The following MTRES1 variants were observed in gnomAD, a reference collection of about 807,000 sequenced individuals.
MTRES1 encodes the protein mitochondrial transcription rescue factor 1.
A neutral mutation model predicts 17.4 loss-of-function variants in MTRES1; 11 were observed. The observed-to-expected ratio is 0.63, with a 90% CI of 0.40 to 1.05. The LOEUF (loss-of-function observed/expected upper bound fraction) is 1.05. Among genes scored for constraint, MTRES1 ranks in the 50% least tolerant of loss-of-function variants. The probability of loss-of-function intolerance (pLI) is 0.00; values close to 1 mark genes in which losing one functional copy is unlikely to be tolerated. For missense variants in MTRES1, 268 were observed against 276.2 expected (o/e 0.97, Z 0.21); for synonymous variants, 94 against 99.6 (o/e 0.94, Z 0.34).
At chr6:107,043,202 C>T (rs1474938438) in intron 2 of MTRES1, among the ~76,000 whole-genome samples, 5 of 152,122 alleles carry the variant, frequency 3.3e-5, no homozygotes, top group South Asian at 4.2e-4. Flanking sequence ...GGCGTGGTGG[C>T]GGGCGCCTGT....
At chr6:107,044,775 G>A (rs1774336396) in intron 3 of MTRES1, among the ~76,000 whole-genome samples, 1 of 152,182 alleles carries the variant, frequency 6.6e-6, no homozygotes, top group African/African-American at 2.4e-5. Context: ...TTTGTGTGCA[G>A]AGCAGTTATA....
At chr6:107,046,820 C>T (rs1554228430) in intron 3 of MTRES1, among the ~76,000 whole-genome samples, 1 of 152,052 alleles carries the variant, frequency 6.6e-6, no homozygotes. Context: ...TGTGTGGTGT[C>T]CAAGTATGGG....
chr6:107,046,940 G>A (rs1479392109), intron 3 of MTRES1, among the ~76,000 whole-genome samples: 6 of 25,328 alleles, frequency 2.4e-4, no homozygotes, highest in African/African-American at 5.6e-4. Flanking sequence ...TTGTGTGTGT[G>A]TGTGTGTGTG....
At chr6:107,029,526 G>A (rs1310519193) in intron 1 of MTRES1, among the ~76,000 whole-genome samples, 1 of 136,920 alleles carries the variant, frequency 7.3e-6, no homozygotes, top group African/African-American at 2.8e-5. Flanking sequence ...CTCTGTCGCC[G>A]AGGCTAGAAT....
intron 1 of MTRES1, among the ~76,000 whole-genome samples, chr6:107,039,395 C>T (rs1243826893): frequency 6.6e-6 from 1 of 152,066 alleles, no homozygotes; most frequent in Non-Finnish European, 1.5e-5. Flanking sequence ...TCTCAGCTCA[C>T]TGCAACCTCT....
chr6:107,048,927 C>G (rs1774493537), intron 3 of MTRES1, among the ~76,000 whole-genome samples: 1 of 151,400 alleles, frequency 6.6e-6, no homozygotes, highest in Non-Finnish European at 1.5e-5. Context: ...ATGAGCCTTT[C>G]TGCTTCTCAG....
intron 1 of MTRES1, among the ~76,000 whole-genome samples, chr6:107,038,897 A>C (rs573115825): frequency 7.8e-4 from 118 of 152,212 alleles, no homozygotes; most frequent in African/African-American, 2.8e-3. Flanking sequence ...TCTACTAAAA[A>C]TACAAAATTA....
chr6:107,043,956 G>A (rs1279844870), intron 2 of MTRES1, among the ~76,000 whole-genome samples: 1 of 152,178 alleles, frequency 6.6e-6, no homozygotes, highest in Non-Finnish European at 1.5e-5. Context: ...GTGAAACCCT[G>A]TCTCTACTAA....
chr6:107,049,611 C>T (rs556859738), intron 3 of MTRES1, among the ~76,000 whole-genome samples: 2 of 151,914 alleles, frequency 1.3e-5, no homozygotes, highest in South Asian at 4.2e-4. Context: ...GACGGGGTTT[C>T]ACCGTGTTAG....
intron 1 of MTRES1, among the ~76,000 whole-genome samples, chr6:107,031,829 G>A (rs1033577965): frequency 3.3e-5 from 5 of 152,026 alleles, no homozygotes; most frequent in Non-Finnish European, 5.9e-5. Context: ...TCGAACTCCC[G>A]ACCTCAGGTG....
chr6:107,050,475 G>T lies in MTRES1; in HGVS notation c.544-582G>T, dbSNP rs538767367. On this transcript the variant is annotated intron_variant, in intron 3 of 3. Coordinates refer to ENST00000311381, the MANE Select transcript of MTRES1 (RefSeq NM_016487.5). ...CTACTCTGCGCAGGGACTATCCACAGCCAGCCAGTTGTCTAGTTCTGAAGG... is the reference window on the plus strand; with the variant it reads ...CTACTCTGCGCAGGGACTATCCACATCCAGCCAGTTGTCTAGTTCTGAAGG... 5.2e-4 allele frequency among the ~76,000 whole-genome samples: 78 copies of T among 148,932 alleles called. 1 individual carries two copies. Among genetic ancestry groups the T allele is most frequent in the Non-Finnish European group, 1.0e-3 (70 of 67,428 alleles).
At chr6:107,044,493 GAC>G (rs1774327612) in intron 3 of MTRES1, among the ~76,000 whole-genome samples, 161 bp downstream of exon 3, 1 of 146,624 alleles carries the variant, frequency 6.8e-6, no homozygotes. Context: ...ACAGGCTTCA[GAC>G]ACACAGGCAC....
rs981879224 is a variant in MTRES1, at chr6:107,051,182, G to A, written c.669G>A (p.Val223=). Residue 223 remains valine, a synonymous_variant, in exon 4 of 4, where the codon GTG becomes GTA. Coordinates refer to ENST00000311381, the MANE Select transcript of MTRES1 (RefSeq NM_016487.5). ...AGACTGAAAGTGAAAAATACAGAGT[G>A]GTGTTACGGCGGTGGAAAAGTTTAA... ...EEKTESEKYR[V]VLRRWKSLKL... 2 of 1,613,992 alleles carry A rather than the reference G, an allele frequency of 1.2e-6. No homozygotes were observed. Among genetic ancestry groups the A allele is most frequent in the Non-Finnish European group, 1.7e-6 (2 of 1,179,966 alleles).
intron 1 of MTRES1, chr6:107,029,988 GGT>G: frequency 1.5e-6 from 1 of 672,376 alleles, no homozygotes. Flanking sequence ...TAATTTACAG[GGT>G]GTTTTTTTTT....
intron 1 of MTRES1, among the ~76,000 whole-genome samples, chr6:107,033,129 A>T (rs1582593488): frequency 6.6e-6 from 1 of 152,190 alleles, no homozygotes; most frequent in African/African-American, 2.4e-5. Flanking sequence ...TGAATCTGCA[A>T]CCATTCACTG....
chr6:107,051,167 T>G lies in MTRES1; in HGVS notation c.654T>G (p.Ser218Arg). The change falls in exon 4 of 4, where the codon AGT becomes AGG. Residue 218 changes from serine to arginine, a missense_variant. By Grantham distance (110) the Ser-to-Arg change is moderately radical. Transcript: ENST00000311381. ...AAGTGTTTGAAGAGAAGACTGAAAG[T>G]GAAAAATACAGAGTGGTGTTACGGC... ...LKKVFEEKTE[S>R]EKYRVVLRRW... is the part of the protein sequence containing the mutation. 1 of 1,613,994 alleles carries G rather than the reference T, an allele frequency of 6.2e-7. No individual in the cohort carries two copies. Among genetic ancestry groups the G allele is most frequent in the Non-Finnish European group, 8.5e-7 (1 of 1,179,986 alleles).
chr6:107,029,070 G>T (rs1773735651), intron 1 of MTRES1: 1 of 171,358 alleles, frequency 5.8e-6, no homozygotes, highest in Admixed American at 6.5e-5. Context: ...CTGTCGCCCA[G>T]GCTGGAGTGC....
intron 1 of MTRES1, among the ~76,000 whole-genome samples, chr6:107,029,097 C>T (rs1395152226): frequency 1.3e-5 from 2 of 152,090 alleles, no homozygotes; most frequent in Non-Finnish European, 2.9e-5. Flanking sequence ...GGGATCTCGG[C>T]TCACTGCAAG....
At chr6:107,032,612 G>A (rs1773881429) in intron 1 of MTRES1, among the ~76,000 whole-genome samples, 2 of 152,208 alleles carry the variant, frequency 1.3e-5, no homozygotes, top group African/African-American at 4.8e-5. Context: ...TGGGGAGGCT[G>A]AGGCGGGAGA....
Sources: gnomAD v4.1 joint callset for allele counts (sites outside exome capture counted in the v4.1 genomes callset) on GRCh38, gnomAD v4.1.1 for gene constraint, MANE v1.5 for transcripts, NCBI Gene and HGNC (gene_info 2026-07-23, HGNC 2026-07-21) for gene names.